The following HS6ST3 variants were observed in gnomAD, a reference collection of about 807,000 sequenced individuals.
HS6ST3 encodes the protein heparan sulfate 6-O-sulfotransferase 3, also known as heparan-sulfate 6-O-sulfotransferase 3.
In HS6ST3, 12 loss-of-function variants were observed where a neutral mutation model predicts 36.7. The observed-to-expected ratio is 0.33, with a 90% CI of 0.21 to 0.53. HS6ST3 has a LOEUF of 0.53. HS6ST3 is among the 20% of genes least tolerant of loss of function. HS6ST3 has a pLI of 0.95. For synonymous variants in HS6ST3, 240 were observed against 257.5 expected (o/e 0.93, Z 0.65); for missense variants, 584 against 640.9 (o/e 0.91, Z 0.96).
At chr13:96,390,393 C>T (rs2139451260) in intron 1 of HS6ST3, among the ~76,000 whole-genome samples, 1 of 152,160 alleles carries the variant, frequency 6.6e-6, no homozygotes, top group Admixed American at 6.5e-5. Flanking sequence ...TATAAAAGAC[C>T]TCTGAGTGCT....
intron 1 of HS6ST3, among the ~76,000 whole-genome samples, chr13:96,633,959 A>G (rs1759497476): frequency 6.6e-6 from 1 of 152,034 alleles, no homozygotes; most frequent in African/African-American, 2.4e-5. Context: ...TTGGGAAGTG[A>G]TTAGGTCATG....
chr13:96,601,677 G>A (rs1482059861), intron 1 of HS6ST3, among the ~76,000 whole-genome samples: 1 of 152,036 alleles, frequency 6.6e-6, no homozygotes, highest in Non-Finnish European at 1.5e-5. Flanking sequence ...GGGTGTTGCA[G>A]AACTCTTTTT....
chr13:96,303,701 G>A lies in HS6ST3; in HGVS notation c.707+212132G>A, dbSNP rs185354261. ...AAGGTCTATAGGTATTTGGAAAGAC[G>A]AAGGTAAAATATATGAATAAATCTG... is the stretch of plus-strand genomic sequence containing the variant. On this transcript the variant is annotated intron_variant, in intron 1 of 1. Transcript: ENST00000376705. 3.3e-4 allele frequency among the ~76,000 whole-genome samples: 51 copies of A among 152,292 alleles called. No homozygotes were observed. In the East Asian group the frequency reaches 6.2e-3, roughly 18 times the overall value.
At chr13:96,470,947 AT>A (rs1461842098) in intron 1 of HS6ST3, among the ~76,000 whole-genome samples, 1 of 151,940 alleles carries the variant, frequency 6.6e-6, no homozygotes, top group Non-Finnish European at 1.5e-5. Context: ...AGCATCTGTA[AT>A]TTTTTTGTCA....
chr13:96,784,875 A>G (rs994259885), intron 1 of HS6ST3, among the ~76,000 whole-genome samples: 1 of 152,206 alleles, frequency 6.6e-6, no homozygotes. Context: ...AGTATTCAAA[A>G]AAGTTTCTTA....
intron 1 of HS6ST3, among the ~76,000 whole-genome samples, chr13:96,730,398 C>T (rs1392794587): frequency 6.6e-6 from 1 of 151,982 alleles, no homozygotes; most frequent in African/African-American, 2.4e-5. Flanking sequence ...GAGTGCCTTG[C>T]AAGTAAAAAG....
At chr13:96,152,241 T>A (rs548914578) in intron 1 of HS6ST3, among the ~76,000 whole-genome samples, 1 of 152,216 alleles carries the variant, frequency 6.6e-6, no homozygotes, top group Non-Finnish European at 1.5e-5. Context: ...ATGTCCCCTC[T>A]GCTATTATTG....
At chr13:96,217,904 A>C (rs1444728483) in intron 1 of HS6ST3, among the ~76,000 whole-genome samples, 4 of 152,186 alleles carry the variant, frequency 2.6e-5, no homozygotes, top group Non-Finnish European at 5.9e-5. Flanking sequence ...AGATAGATAG[A>C]TAAATTTCTT....
intron 1 of HS6ST3, among the ~76,000 whole-genome samples, chr13:96,637,242 T>C (rs957178099): frequency 9.2e-5 from 14 of 152,102 alleles, no homozygotes; most frequent in African/African-American, 2.9e-4. Flanking sequence ...CCTTACCAGA[T>C]TGGTATGATA....
intron 1 of HS6ST3, among the ~76,000 whole-genome samples, chr13:96,658,666 G>A (rs558112364): frequency 6.6e-4 from 100 of 150,646 alleles, no homozygotes; most frequent in Admixed American, 1.8e-3. Flanking sequence ...GTTTTTGTAT[G>A]GCGGTTATAT....
chr13:96,519,362 A>G (rs1479406277), intron 1 of HS6ST3, among the ~76,000 whole-genome samples: 1 of 152,208 alleles, frequency 6.6e-6, no homozygotes, highest in Non-Finnish European at 1.5e-5. Context: ...TCCCTAAATT[A>G]TATAACAGAG....
At chr13:96,657,681 G>A (rs1318701189) in intron 1 of HS6ST3, among the ~76,000 whole-genome samples, 3 of 152,096 alleles carry the variant, frequency 2.0e-5, no homozygotes, top group Admixed American at 6.6e-5. Context: ...AATCCTTGAC[G>A]GTGGACATGC....
At chr13:96,590,446 T>C (rs1239332054) in intron 1 of HS6ST3, among the ~76,000 whole-genome samples, 1 of 152,124 alleles carries the variant, frequency 6.6e-6, no homozygotes, top group Non-Finnish European at 1.5e-5. Flanking sequence ...TCAGTGACAT[T>C]TGGCATATTT....
At chr13:96,618,282 G>A (rs1359556763) in intron 1 of HS6ST3, among the ~76,000 whole-genome samples, 3 of 151,774 alleles carry the variant, frequency 2.0e-5, no homozygotes, top group Non-Finnish European at 2.9e-5. Flanking sequence ...ATTTTTTTTT[G>A]TAAAGACAGG....
At chr13:96,398,905 G>A (rs2055435276) in intron 1 of HS6ST3, among the ~76,000 whole-genome samples, 1 of 152,226 alleles carries the variant, frequency 6.6e-6, no homozygotes, top group Non-Finnish European at 1.5e-5. Context: ...CAACTAGACA[G>A]AGACCTCAGG....
intron 1 of HS6ST3, among the ~76,000 whole-genome samples, chr13:96,358,750 A>G (rs966977404): frequency 1.3e-5 from 2 of 152,126 alleles, no homozygotes; most frequent in Admixed American, 1.3e-4. Flanking sequence ...AGTTGTGATT[A>G]TGGTTTTGTA....
At chr13:96,230,836 A>G (rs1310818829) in intron 1 of HS6ST3, among the ~76,000 whole-genome samples, 1 of 152,206 alleles carries the variant, frequency 6.6e-6, no homozygotes, top group East Asian at 1.9e-4. Flanking sequence ...TTCATGATAT[A>G]GCAGAGAAAG....
chr13:96,312,951 C>CAAAAAAAAAA (rs754098470), intron 1 of HS6ST3, among the ~76,000 whole-genome samples: 1 of 81,440 alleles, frequency 1.2e-5, no homozygotes, highest in African/African-American at 4.5e-5. Context: ...GACCCTGTCT[C>CAAAAAAAAAA]AAAAAAAAAA....
At chr13:96,163,929 G>A (rs777119133) in intron 1 of HS6ST3, among the ~76,000 whole-genome samples, 1 of 152,056 alleles carries the variant, frequency 6.6e-6, no homozygotes, top group Non-Finnish European at 1.5e-5. Context: ...GTATAAAACT[G>A]GAGAAACATT....
Sources: gnomAD v4.1 joint callset for allele counts (sites outside exome capture counted in the v4.1 genomes callset) on GRCh38, gnomAD v4.1.1 for gene constraint, MANE v1.5 for transcripts, NCBI Gene and HGNC (gene_info 2026-07-23, HGNC 2026-07-21) for gene names.